WDFY1: variants seen among roughly 807,000 people sequenced by gnomAD.
WDFY1 encodes the protein WD repeat and FYVE domain containing 1, also known as WD repeat and FYVE domain-containing protein 1.
WDFY1 carries 32 observed loss-of-function variants against 56.4 expected under a neutral mutation model. The observed-to-expected ratio is 0.57, with a 90% CI of 0.43 to 0.76. The LOEUF (loss-of-function observed/expected upper bound fraction) is 0.76, where lower values mean the gene tolerates loss of function less well. Among genes scored for constraint, WDFY1 ranks in the 30% least tolerant of loss-of-function variants. The pLI is 0.00. For missense variants in WDFY1, 480 were observed against 545.7 expected, an observed-to-expected ratio of 0.88 and a Z score of 1.20; for synonymous variants, 192 against 197.3, an observed-to-expected ratio of 0.97 and a Z score of 0.23.
At chr2:223,896,170 A>C (rs1333793438) in intron 6 of WDFY1, among the ~76,000 whole-genome samples, 2 of 146,540 alleles carry the variant, frequency 1.4e-5, no homozygotes, top group African/African-American at 5.2e-5. Flanking sequence ...AAAAAAAAAA[A>C]AAAAAAAAAA....
At chr2:223,941,748 C>T (rs1689309008) in intron 1 of WDFY1, among the ~76,000 whole-genome samples, 1 of 152,146 alleles carries the variant, frequency 6.6e-6, no homozygotes, top group African/African-American at 2.4e-5. Context: ...GCTTTTGACC[C>T]CTGTTGTGTC....
In WDFY1 at chr2:223,875,752, G is replaced by A. The variant is rs1692958598; in HGVS notation, c.*2919C>T. The A allele has an allele frequency of 6.6e-6, 1 of 152,138 alleles. No homozygotes were observed. Among genetic ancestry groups the A allele is most frequent in the Admixed American group, 6.6e-5 (1 of 15,264 alleles). 9.4% of individuals were successfully genotyped at this position (152,138 alleles called of 1,614,324 possible). ...TTGTTAAGCCTTACACTTACGATGAGCAGATGGTTTATCACTATATAGTAA... is the reference window on the plus strand; with the variant it reads ...TTGTTAAGCCTTACACTTACGATGAACAGATGGTTTATCACTATATAGTAA... On this transcript the variant is annotated 3_prime_UTR_variant, in exon 12 of 12. Coordinates refer to ENST00000233055, the MANE Select transcript of WDFY1 (RefSeq NM_020830.5).
intron 6 of WDFY1, among the ~76,000 whole-genome samples, chr2:223,898,208 C>T (rs2106080562): frequency 6.6e-6 from 1 of 152,148 alleles, no homozygotes. Context: ...TCCCTCAGTC[C>T]CTACACAGGG....
intron 9 of WDFY1, among the ~76,000 whole-genome samples, chr2:223,882,952 C>T (rs755471438): frequency 2.0e-5 from 3 of 152,168 alleles, no homozygotes; most frequent in African/African-American, 7.2e-5. Flanking sequence ...TGGTCTTGAA[C>T]ACCTAGGCTC....
intron 1 of WDFY1, among the ~76,000 whole-genome samples, chr2:223,941,234 G>A (rs547535944): frequency 6.6e-6 from 1 of 152,000 alleles, no homozygotes; most frequent in East Asian, 1.9e-4. Flanking sequence ...TGGGATTACA[G>A]TCGTGAGCCA....
intron 1 of WDFY1, among the ~76,000 whole-genome samples, chr2:223,944,852 G>T (rs1343517783): frequency 1.3e-5 from 2 of 150,472 alleles, no homozygotes; most frequent in Admixed American, 6.6e-5. Context: ...AGGGTCCCGG[G>T]CTTGGGCGGC....
At chr2:223,942,203 G>A (rs1478210865) in intron 1 of WDFY1, among the ~76,000 whole-genome samples, 1 of 151,876 alleles carries the variant, frequency 6.6e-6, no homozygotes, top group Non-Finnish European at 1.5e-5. Context: ...TAAAATATTT[G>A]ACCGAATAAA....
intron 1 of WDFY1, among the ~76,000 whole-genome samples, chr2:223,922,518 C>A (rs1693904327): frequency 6.6e-6 from 1 of 152,230 alleles, no homozygotes; most frequent in Non-Finnish European, 1.5e-5. Flanking sequence ...ATTCATGCAG[C>A]AGCACTTCAC....
rs533948469 is a variant in WDFY1 at position 223,940,703 on chromosome 2, C to T, written c.137+4445G>A. On this transcript the variant is annotated intron_variant, in intron 1 of 11. Transcript: ENST00000233055. ...TGTTGCCCAGGCTGGAGTGCAGTGG[C>T]GTGATCTCAGCTCACTGCAACCTCC... 5.9e-5 allele frequency among the ~76,000 whole-genome samples: 9 copies of T among 151,314 alleles called. No homozygotes were observed. In the East Asian group the frequency reaches 1.6e-3, roughly 26 times the overall value.
chr2:223,931,842 C>G (rs1359064448), intron 1 of WDFY1, among the ~76,000 whole-genome samples: 1 of 152,196 alleles, frequency 6.6e-6, no homozygotes, highest in Non-Finnish European at 1.5e-5. Context: ...TGCACTACCA[C>G]ACCCAGCTAA....
At chr2:223,894,590 T>C in intron 7 of WDFY1, 1 of 470,874 alleles carries the variant, frequency 2.1e-6, no homozygotes, top group South Asian at 2.3e-5. Context: ...GCCAGAGATT[T>C]GATGAGGGCT....
chr2:223,936,863 A>G (rs1487814599), intron 1 of WDFY1, among the ~76,000 whole-genome samples: 2 of 152,190 alleles, frequency 1.3e-5, no homozygotes, highest in East Asian at 3.8e-4. Flanking sequence ...CCTGATAAAC[A>G]ATATTTCACA....
At chr2:223,884,861 T>TCTTCA in intron 8 of WDFY1, 112 bp from the exon 9 acceptor site, 1 of 780,634 alleles carries the variant, frequency 1.3e-6, no homozygotes. Flanking sequence ...CTTTTCTTCT[T>TCTTCA]TTTTTTTTTT....
intron 1 of WDFY1, among the ~76,000 whole-genome samples, chr2:223,921,345 T>C (rs993248664): frequency 1.1e-4 from 16 of 152,048 alleles, no homozygotes; most frequent in African/African-American, 3.9e-4. Context: ...CACCAACCAA[T>C]TGATAGGAAA....
At chr2:223,888,996 TG>T (rs1693222735) in intron 8 of WDFY1, among the ~76,000 whole-genome samples, 1 of 148,132 alleles carries the variant, frequency 6.8e-6, no homozygotes, top group Non-Finnish European at 1.5e-5. Context: ...CTCCGCCTCC[TG>T]GGTTCAAGTG....
Position 223,880,245 on chromosome 2 carries a change from A to G in WDFY1, c.1065-13T>C. The G allele has an allele frequency of 6.2e-7, 1 of 1,612,412 alleles. No homozygotes were observed. The highest frequency in any genetic ancestry group is 1.7e-5 in the Admixed American group (1 of 60,028). ...TAGAGAAGTCCGACTAACAAGAGAAAAGAGATCACTGAAAATTTACTTGAC... is the reference window on the plus strand; with the variant it reads ...TAGAGAAGTCCGACTAACAAGAGAAGAGAGATCACTGAAAATTTACTTGAC... On this transcript the variant is annotated splice_polypyrimidine_tract_variant and intron_variant, in intron 10 of 11. Transcript: ENST00000233055.
chr2:223,936,409 T>C (rs1029113278), intron 1 of WDFY1, among the ~76,000 whole-genome samples: 4 of 151,938 alleles, frequency 2.6e-5, no homozygotes, highest in African/African-American at 7.3e-5. Context: ...TAATGAAAGG[T>C]CATGAGCAGG....
Position 223,944,458 on chromosome 2 carries a change from G to C in WDFY1, c.137+690C>G, listed in dbSNP as rs565800790. Among the ~76,000 whole-genome samples the C allele has an allele frequency of 3.3e-5, 5 of 152,354 alleles. No individual in the cohort carries two copies. In the South Asian group the frequency reaches 8.3e-4, roughly 25 times the overall value. On this transcript the variant is annotated intron_variant, in intron 1 of 11. Coordinates refer to ENST00000233055, the MANE Select transcript of WDFY1 (RefSeq NM_020830.5). ...GCGGTGGGCTGGGAGGGGCGCGTTG[G>C]TGCGCACTGGAACAGGGGTCCCCGG...
intron 3 of WDFY1, among the ~76,000 whole-genome samples, chr2:223,910,716 C>G (rs989980115): frequency 1.3e-5 from 2 of 152,040 alleles, no homozygotes; most frequent in Non-Finnish European, 1.5e-5. Flanking sequence ...TTCACACCCC[C>G]CAGGATGACC....
Sources: allele counts gnomAD v4.1 joint callset (sites outside exome capture counted in the v4.1 genomes callset), GRCh38; gene constraint gnomAD v4.1.1; transcripts MANE v1.5; gene names NCBI Gene and HGNC (gene_info 2026-07-23, HGNC 2026-07-21).